SH3GL3: variants seen among roughly 807,000 people sequenced by gnomAD.
SH3GL3 encodes the protein endophilin-A3.
In SH3GL3, 33 loss-of-function variants were observed where a neutral mutation model predicts 47.7. The observed-to-expected ratio is 0.69, with a 90% CI of 0.52 to 0.92. The LOEUF is 0.92. SH3GL3 is among the 40% of genes least tolerant of loss of function. The pLI is 0.00. For missense variants in SH3GL3, 363 were observed against 417.8 expected (o/e 0.87, Z 1.14); for synonymous variants, 155 against 148.8 (o/e 1.04, Z -0.30).
At chr15:83,625,814 T>G in the SH3GL3 span, among the ~76,000 whole-genome samples, 1 of 152,090 alleles carries the variant, frequency 6.6e-6, no homozygotes, top group South Asian at 2.1e-4. Flanking sequence ...GGAATTAATT[T>G]TTGTTGTTGT....
intron 1 of SH3GL3, among the ~76,000 whole-genome samples, chr15:83,478,526 T>C (rs1252613563): frequency 6.6e-6 from 1 of 152,234 alleles, no homozygotes; most frequent in Non-Finnish European, 1.5e-5. Flanking sequence ...TTCTAACTTG[T>C]AATGTTGTGC....
intron 1 of SH3GL3, among the ~76,000 whole-genome samples, chr15:83,471,917 C>G (rs1324406343): frequency 2.0e-5 from 3 of 151,884 alleles, no homozygotes; most frequent in East Asian, 3.9e-4. Context: ...GAGTCTCGCT[C>G]TTGTCACTCA....
intron 1 of SH3GL3, among the ~76,000 whole-genome samples, chr15:83,487,206 T>A (rs2041642410): frequency 8.0e-6 from 1 of 124,254 alleles, no homozygotes; most frequent in Non-Finnish European, 1.8e-5. Context: ...TTTACCTGTT[T>A]TTTTTTTTTT....
chr15:83,499,174 A>G (rs1222663896), intron 1 of SH3GL3, among the ~76,000 whole-genome samples: 3 of 152,054 alleles, frequency 2.0e-5, no homozygotes, highest in South Asian at 2.1e-4. Context: ...CAGGGGCTCT[A>G]TCTTTCTTAC....
At chr15:83,489,789 C>T (rs114948097) in intron 1 of SH3GL3, among the ~76,000 whole-genome samples, 1,735 of 151,744 alleles carry the variant, frequency 0.011, 33 homozygotes, top group African/African-American at 0.04. Flanking sequence ...GCCTGTGGGA[C>T]AGGTTTGTGC....
intron 3 of SH3GL3, among the ~76,000 whole-genome samples, chr15:83,566,645 A>C (rs1235504115): frequency 1.3e-5 from 2 of 152,164 alleles, no homozygotes; most frequent in African/African-American, 2.4e-5. Context: ...GTGTGGTAAC[A>C]CGTCTGTAGT....
At chr15:83,575,742 A>G in intron 5 of SH3GL3, among the ~76,000 whole-genome samples, 1 of 152,216 alleles carries the variant, frequency 6.6e-6, no homozygotes, top group East Asian at 1.9e-4. Context: ...TAAAATGAAT[A>G]GTGCGAGCTA....
chr15:83,560,216 A>C (rs373793930), intron 2 of SH3GL3, among the ~76,000 whole-genome samples: 9 of 152,354 alleles, frequency 5.9e-5, no homozygotes, highest in South Asian at 2.1e-4. Flanking sequence ...AGATGTCAGC[A>C]GGTGCTGGGG....
intron 1 of SH3GL3, among the ~76,000 whole-genome samples, chr15:83,520,789 T>C (rs983692386): frequency 5.3e-5 from 8 of 152,190 alleles, no homozygotes; most frequent in African/African-American, 1.9e-4. Flanking sequence ...TGGTAGATTT[T>C]AGATGCTCTT....
At chr15:83,497,261 C>T (rs2042117087) in intron 1 of SH3GL3, among the ~76,000 whole-genome samples, 1 of 152,122 alleles carries the variant, frequency 6.6e-6, no homozygotes, top group African/African-American at 2.4e-5. Flanking sequence ...TACCTTCTTG[C>T]CCCTTGTCTT....
chr15:83,492,721 T>C (rs896079000), intron 1 of SH3GL3, among the ~76,000 whole-genome samples: 11 of 152,204 alleles, frequency 7.2e-5, no homozygotes, highest in Non-Finnish European at 1.5e-4. Context: ...CTTCCTTCCC[T>C]CTATCCCCCA....
intron 2 of SH3GL3, 109 bp from the exon 3 acceptor site, chr15:83,565,025 C>A: frequency 1.8e-6 from 1 of 544,302 alleles, no homozygotes; most frequent in East Asian, 3.1e-5. Context: ...TTAAAATCAT[C>A]ATAATCGTGT....
chr15:83,538,434 A>C (rs1391258904), intron 1 of SH3GL3, among the ~76,000 whole-genome samples: 1 of 152,230 alleles, frequency 6.6e-6, no homozygotes, highest in African/African-American at 2.4e-5. Context: ...ATGTATTTTA[A>C]CAAAGTGACA....
intron 1 of SH3GL3, among the ~76,000 whole-genome samples, chr15:83,556,666 G>T (rs1042033069): frequency 5.3e-5 from 8 of 151,868 alleles, no homozygotes; most frequent in Non-Finnish European, 1.0e-4. Context: ...CACAGGAAAT[G>T]CAGGCCACTG....
In SH3GL3 at chr15:83,572,607, C is replaced by T; in HGVS notation, c.374C>T (p.Ala125Val). The change falls in exon 5 of 9, where the codon GCT (alanine) becomes GTT (valine). Residue 125 changes from alanine to valine, a missense_variant. Ala to Val is a moderately conservative substitution (Grantham distance 64). Transcript: ENST00000427482. ...GTTGGTGAATCCATGAAGCTAATGG[C>T]TGAGGTGAAAGACTCTCTTGATATT... ...IEVGESMKLM[A>V]EVKDSLDINV... 2 of 1,611,080 alleles carry T rather than the reference C, an allele frequency of 1.2e-6. No homozygotes were observed. The highest frequency in any genetic ancestry group is 1.7e-4 in the Middle Eastern group (1 of 6,054).
intron 1 of SH3GL3, among the ~76,000 whole-genome samples, chr15:83,524,602 T>C (rs2043338786): frequency 6.6e-6 from 1 of 152,108 alleles, no homozygotes; most frequent in Non-Finnish European, 1.5e-5. Context: ...TTATCGAACA[T>C]TAAAACTTAT....
At chr15:83,495,741 G>GA (rs900931884) in intron 1 of SH3GL3, among the ~76,000 whole-genome samples, 10 of 150,316 alleles carry the variant, frequency 6.7e-5, no homozygotes, top group Admixed American at 3.3e-4. Context: ...GGTCTCAAAA[G>GA]AAAAAAAAAT....
rs528962736 is a variant in SH3GL3, at chr15:83,473,887, C to T, written c.45+26309C>T. ...TTTTTTTTATGTCCATGCGCATTTCCGTGTTGCTGGCTTCTTCAGCTCCAA... is the reference window on the plus strand; with the variant it reads ...TTTTTTTTATGTCCATGCGCATTTCTGTGTTGCTGGCTTCTTCAGCTCCAA... On this transcript the variant is annotated intron_variant, in intron 1 of 8. Transcript: ENST00000427482. Among the ~76,000 whole-genome samples the T allele has an allele frequency of 6.0e-5, 9 of 151,068 alleles. No individual in the cohort carries two copies. The South Asian group carries it at 1.7e-3, about 28-fold the overall frequency.
At chr15:83,586,042 G>A (rs2059946285) in intron 6 of SH3GL3, among the ~76,000 whole-genome samples, 1 of 152,212 alleles carries the variant, frequency 6.6e-6, no homozygotes, top group Non-Finnish European at 1.5e-5. Context: ...TGATGCATAG[G>A]CTTTGGGGAA....
Sources: allele counts gnomAD v4.1 joint callset (sites outside exome capture counted in the v4.1 genomes callset), GRCh38; gene constraint gnomAD v4.1.1; transcripts MANE v1.5; gene names NCBI Gene and HGNC (gene_info 2026-07-23, HGNC 2026-07-21).